MAST3: variants seen among roughly 807,000 people sequenced by gnomAD.
The protein encoded by MAST3 is microtubule-associated serine/threonine-protein kinase 3.
A neutral mutation model predicts 127.0 loss-of-function variants in MAST3; 43 were observed. That is an observed-to-expected ratio of 0.34 (90% confidence interval 0.27 to 0.44). The LOEUF (loss-of-function observed/expected upper bound fraction) is 0.44, where lower values mean the gene tolerates loss of function less well. Among genes scored for constraint, MAST3 ranks in the 20% least tolerant of loss-of-function variants. The pLI is 1.00. For synonymous variants in MAST3, 785 were observed against 809.2 expected, an observed-to-expected ratio of 0.97 and a Z score of 0.51; for missense variants, 1,390 against 1,919.1, an observed-to-expected ratio of 0.72 and a Z score of 5.15.
intron 1 of MAST3, among the ~76,000 whole-genome samples, chr19:18,105,582 A>G (rs990668854): frequency 2.9e-4 from 44 of 151,064 alleles, no homozygotes; most frequent in African/African-American, 1.0e-3. Flanking sequence ...TTGAGGCAGG[A>G]GAATCGCTTG....
At position 18,110,223 on chromosome 19, in the gene MAST3, G is replaced by A; in HGVS notation, c.72-429G>A. On this transcript the variant is annotated intron_variant, in intron 2 of 27. Transcript: ENST00000687212. The surrounding 1 kb of genome is among the most constrained non-coding windows in gnomAD (Gnocchi z 4.3). Reference sequence around the variant, plus strand: ...CAGGCGTCTGTCCCTGCGTCCGTGTGTCCGTCCGTCGGTCCGCTCGCGCCA... The same window carrying A: ...CAGGCGTCTGTCCCTGCGTCCGTGTATCCGTCCGTCGGTCCGCTCGCGCCA... 1.0e-6 allele frequency: 1 copy of A among 985,488 alleles called. No individual in the cohort carries two copies. Among genetic ancestry groups the A allele is most frequent in the Non-Finnish European group, 1.2e-6 (1 of 829,970 alleles). The allele number at this position is 985,488 out of a possible 1,614,324, so 61.0% of individuals were successfully genotyped here. A position where few individuals can be genotyped will look rare whatever the true frequency, so the allele number is the denominator to read the frequency against.
chr19:18,111,161 A>T (rs273508), intron 3 of MAST3, among the ~76,000 whole-genome samples: 1 of 151,392 alleles, frequency 6.6e-6, no homozygotes, highest in Non-Finnish European at 1.5e-5. Flanking sequence ...GAGATTAACC[A>T]AAGTGGCGCC....
rs548323330 is a variant in MAST3 at position 18,105,649 on chromosome 19, G to A, written c.40-1938G>A. On this transcript the variant is annotated intron_variant, in intron 1 of 27. Coordinates refer to ENST00000687212, the MANE Select transcript of MAST3 (RefSeq NM_001393504.1). ...GATTGTGTCATTGCACTCCAGCCTG[G>A]GCAACAAGAGCAAAAGTCTGTCTCA... is the stretch of plus-strand genomic sequence containing the variant. Among the ~76,000 whole-genome samples the A allele has an allele frequency of 2.0e-5, 3 of 152,002 alleles. No individual in the cohort carries two copies. In the South Asian group the frequency reaches 6.2e-4, roughly 32 times the overall value.
intron 14 of MAST3, among the ~76,000 whole-genome samples, chr19:18,131,003 T>A (rs2041216005): frequency 6.6e-6 from 1 of 152,166 alleles, no homozygotes; most frequent in Non-Finnish European, 1.5e-5. Flanking sequence ...CAGGGAGATG[T>A]ATGGTTCAGG....
chr19:18,129,229 C>T (rs2040997931), intron 13 of MAST3: 1 of 488,588 alleles, frequency 2.0e-6, no homozygotes, highest in Admixed American at 3.5e-5. Context: ...GATGCCCACC[C>T]AGTGGGAGTA....
In MAST3 at chr19:18,145,379, G is replaced by A; in HGVS notation, c.3039+150G>A. The A allele has an allele frequency of 1.3e-6, 1 of 767,876 alleles. No homozygotes were observed. Among genetic ancestry groups the A allele is most frequent in the Non-Finnish European group, 2.2e-6 (1 of 461,956 alleles). The allele number at this position is 767,876 out of a possible 1,614,324, so 47.6% of individuals were successfully genotyped here. A position where few individuals can be genotyped will look rare whatever the true frequency, so the allele number is the denominator to read the frequency against. On this transcript the variant is annotated intron_variant, in intron 24 of 27. Coordinates refer to ENST00000687212, the MANE Select transcript of MAST3 (RefSeq NM_001393504.1). This position sits in a 1 kb window ranked among gnomAD's most constrained non-coding sequence, Gnocchi z 5.9. Reference sequence around the variant, plus strand: ...TCATCTCGGTCCCTGTCATTTGGCAGGGAGGAGGTCAGATGAGAGAGACAA... The same window carrying A: ...TCATCTCGGTCCCTGTCATTTGGCAAGGAGGAGGTCAGATGAGAGAGACAA...
At position 18,134,728 on chromosome 19, in the gene MAST3, G is replaced by C. The variant is rs375716020; in HGVS notation, c.1704+17G>C. The C allele has an allele frequency of 4.0e-5, 64 of 1,612,992 alleles. No homozygotes were observed. In the Middle Eastern group the frequency reaches 9.9e-4, roughly 25 times the overall value. On this transcript the variant is annotated intron_variant, in intron 16 of 27. Coordinates refer to ENST00000687212, the MANE Select transcript of MAST3 (RefSeq NM_001393504.1). ...GACAAGCAGGTGGGCGGGCAGGTGG[G>C]TGGGCAGCCCCGGGATGCCTCCTCC...
intron 11 of MAST3, among the ~76,000 whole-genome samples, chr19:18,126,542 C>T (rs1251892599): frequency 6.6e-6 from 1 of 152,174 alleles, no homozygotes; most frequent in African/African-American, 2.4e-5. Context: ...GAGGCCAAGG[C>T]AGGAGGATCA....
At position 18,144,419 on chromosome 19, in the gene MAST3, A is replaced by G. The variant is rs375616858; in HGVS notation, c.2585-47A>G. On this transcript the variant is annotated intron_variant, in intron 22 of 27. Transcript: ENST00000687212. The surrounding 1 kb of genome is among the most constrained non-coding windows in gnomAD (Gnocchi z 4.0). ...AGGGCCTTAAGGTCCCTTTAGGACC[A>G]CATGGTGAGTTTGAGGGGCACCCAG... 2.0e-6 allele frequency: 3 copies of G among 1,484,474 alleles called. No individual in the cohort carries two copies. The highest frequency in any genetic ancestry group is 2.7e-6 in the Non-Finnish European group (3 of 1,095,042). The allele number at this position is 1,484,474 out of a possible 1,614,324, so 92.0% of individuals were successfully genotyped here. A position where few individuals can be genotyped will look rare whatever the true frequency, so the allele number is the denominator to read the frequency against.
At chr19:18,135,097 C>A in intron 17 of MAST3, 115 bp downstream of exon 17, 2 of 1,292,354 alleles carry the variant, frequency 1.5e-6, no homozygotes, top group African/African-American at 1.5e-5. Context: ...AGTTGGATGC[C>A]AGGTGGGGAG....
At chr19:18,146,165 G>A (rs1406610370) in intron 25 of MAST3, among the ~76,000 whole-genome samples, 3 of 152,200 alleles carry the variant, frequency 2.0e-5, no homozygotes, top group East Asian at 1.9e-4. Context: ...AGGGCCGGGC[G>A]CGGTGGCACA....
chr19:18,109,724 G>C (rs1261161800), intron 2 of MAST3, among the ~76,000 whole-genome samples: 2 of 152,192 alleles, frequency 1.3e-5, no homozygotes, highest in Non-Finnish European at 2.9e-5. Flanking sequence ...TCCTGGCAGA[G>C]GAAACAGCTG....
chr19:18,110,603 A>G lies in MAST3; in HGVS notation c.72-49A>G, dbSNP rs1276269011. On this transcript the variant is annotated intron_variant, in intron 2 of 27. Coordinates refer to ENST00000687212, the MANE Select transcript of MAST3 (RefSeq NM_001393504.1). The surrounding 1 kb of genome is among the most constrained non-coding windows in gnomAD (Gnocchi z 4.3). The stretch of plus-strand genomic sequence containing the variant: ...CATCCGGAGATCCGGATTCGGCCAC[A>G]CGAAGGGGCGGCCGCCAGGTTCACC... 1.1e-6 allele frequency: 1 copy of G among 936,572 alleles called. No homozygotes were observed. Among genetic ancestry groups the G allele is most frequent in the African/African-American group, 1.8e-5 (1 of 56,068 alleles). 58.0% of individuals were successfully genotyped at this position (936,572 alleles called of 1,614,324 possible). A position where few individuals can be genotyped will look rare whatever the true frequency, so the allele number is the denominator to read the frequency against.
intron 3 of MAST3, among the ~76,000 whole-genome samples, chr19:18,111,290 CG>C (rs398120872): frequency 4.3e-4 from 66 of 152,118 alleles, no homozygotes; most frequent in Non-Finnish European, 4.6e-4. Flanking sequence ...GTCCATCCCC[CG>C]GGGGCCAAGC....
intron 1 of MAST3, among the ~76,000 whole-genome samples, 168 bp from the exon 2 acceptor site, chr19:18,107,419 G>T (rs370756247): frequency 1.3e-5 from 2 of 152,218 alleles, no homozygotes; most frequent in South Asian, 4.1e-4. Context: ...CTGAGAGAGC[G>T]CACAGATAGC....
At position 18,144,429 on chromosome 19, in the gene MAST3, T is replaced by A. The variant is rs115961493; in HGVS notation, c.2585-37T>A. 1,802 of 1,518,502 alleles carry A rather than the reference T, an allele frequency of 1.2e-3. 14 individuals carry two copies. In the African/African-American group the frequency reaches 0.023, roughly 19 times the overall value. 94.1% of individuals were successfully genotyped at this position (1,518,502 alleles called of 1,614,324 possible). On this transcript the variant is annotated intron_variant, in intron 22 of 27. Coordinates refer to ENST00000687212, the MANE Select transcript of MAST3 (RefSeq NM_001393504.1). The surrounding 1 kb of genome is among the most constrained non-coding windows in gnomAD (Gnocchi z 4.0). ...GGTCCCTTTAGGACCACATGGTGAG[T>A]TTGAGGGGCACCCAGCTGACCCTGC... is the stretch of plus-strand genomic sequence containing the variant.
Position 18,134,955 on chromosome 19 carries a change from G to A in MAST3, c.1843G>A (p.Glu615Lys), listed in dbSNP as rs746318617. Reference protein sequence around the residue: ...GCVPFFGDTPEELFGQVVSDE... With the variant: ...GCVPFFGDTPKELFGQVVSDE... ...CGTGCCTTTCTTTGGAGATACCCCCGAGGAACTCTTCGGTCAGGTGGTCAG... is the reference window on the plus strand; with the variant it reads ...CGTGCCTTTCTTTGGAGATACCCCCAAGGAACTCTTCGGTCAGGTGGTCAG... Residue 615 changes from glutamate (E) to lysine (K), a missense_variant, in exon 17 of 28, where the codon GAG (glutamate) becomes AAG (lysine). Glu to Lys is a moderately conservative substitution (Grantham distance 56, BLOSUM62 1). Coordinates refer to ENST00000687212, the MANE Select transcript of MAST3 (RefSeq NM_001393504.1). The A allele has an allele frequency of 4.3e-6, 7 of 1,612,942 alleles. No homozygotes were observed. The highest frequency in any genetic ancestry group is 1.3e-5 in the African/African-American group (1 of 74,880).
chr19:18,103,341 C>A (rs1014214872), intron 1 of MAST3, among the ~76,000 whole-genome samples: 1 of 152,136 alleles, frequency 6.6e-6, no homozygotes, highest in Non-Finnish European at 1.5e-5. Context: ...AGGTCAAGAC[C>A]AGCCAGACCA....
Position 18,145,848 on chromosome 19 carries a change from G to A in MAST3, c.3145G>A (p.Val1049Met), listed in dbSNP as rs1244441757. Residue 1049 changes from valine (V) to methionine (M), a missense_variant, in exon 25 of 28, where the codon GTG (valine) becomes ATG (methionine). Physicochemically the swap from Val to Met is conservative, Grantham distance 21 (BLOSUM62 1). This residue lies in a region of MAST3 where 816 missense variants were observed against 934.1 expected (regional missense o/e 0.87). Coordinates refer to ENST00000687212, the MANE Select transcript of MAST3 (RefSeq NM_001393504.1). The surrounding 1 kb of genome is among the most constrained non-coding windows in gnomAD (Gnocchi z 5.9). ...GCTGGGGCTGGTGCACATGGACGTC[G>A]TGGAGCTGCTGCTGAAGGTGCGGCA... ...SVLGLVHMDVVELLLKSGNKI... is the reference protein window; with the variant it reads ...SVLGLVHMDVMELLLKSGNKI... The A allele has an allele frequency of 2.5e-6, 4 of 1,596,962 alleles. No homozygotes were observed. The highest frequency in any genetic ancestry group is 1.8e-5 in the Admixed American group (1 of 57,082).
Sources: allele counts gnomAD v4.1 joint callset (sites outside exome capture counted in the v4.1 genomes callset), GRCh38; gene constraint gnomAD v4.1.1; regional missense constraint gnomAD v4.1.1; non-coding constraint Gnocchi (gnomAD v3.1); transcripts MANE v1.5; gene names NCBI Gene and HGNC (gene_info 2026-07-23, HGNC 2026-07-21).